Variants in SLC1A7 observed in about 807,000 individuals in gnomAD.
SLC1A7 encodes excitatory amino acid transporter 5.
A neutral mutation model predicts 47.7 loss-of-function variants in SLC1A7; 40 were observed. The ratio of observed to expected loss-of-function variants is 0.84; its 90% confidence interval spans 0.65 to 1.09. The LOEUF is 1.09. SLC1A7 is among the 50% of genes least tolerant of loss of function. The pLI is 0.00. For missense variants in SLC1A7, 746 were observed against 769.5 expected (o/e 0.97, Z 0.36); for synonymous variants, 323 against 325.6 (o/e 0.99, Z 0.09).
At chr1:53,116,855 C>A (rs558907820) in intron 2 of SLC1A7, among the ~76,000 whole-genome samples, 1 of 152,320 alleles carries the variant, frequency 6.6e-6, no homozygotes, top group East Asian at 1.9e-4. Context: ...TTCGCACATG[C>A]CCACTCCGTG....
Position 53,088,057 on chromosome 1 carries a change from A to G in SLC1A7, c.1635T>C (p.Ser545=). 6.3e-7 allele frequency: 1 copy of G among 1,599,288 alleles called. No homozygotes were observed. Among genetic ancestry groups the G allele is most frequent in the East Asian group, 2.2e-5 (1 of 44,460 alleles). Residue 545 remains serine (S), a synonymous_variant, in exon 11 of 11, where the codon AGT becomes AGC. Coordinates refer to ENST00000371494, the MANE Select transcript of SLC1A7 (RefSeq NM_006671.6). Reference sequence around the variant, plus strand: ...TGATCTGGATGGTGCAGTGGTTCAGACTCGCAGCGGGCAGCTCCTCATCCT... The same window carrying G: ...TGATCTGGATGGTGCAGTGGTTCAGGCTCGCAGCGGGCAGCTCCTCATCCT... ...VEQDEELPAA[S]LNHCTIQISE... is the part of the protein sequence containing the mutation.
chr1:53,142,582 C>G lies in SLC1A7; in HGVS notation c.-133G>C. 1 of 1,005,006 alleles carries G rather than the reference C, an allele frequency of 1.0e-6. No homozygotes were observed. Among genetic ancestry groups the G allele is most frequent in the Non-Finnish European group, 1.4e-6 (1 of 708,452 alleles). 62.3% of individuals were successfully genotyped at this position (1,005,006 alleles called of 1,614,324 possible). A position where few individuals can be genotyped will look rare whatever the true frequency, so the allele number is the denominator to read the frequency against. ...GTCGGAGTTGCTAAACACCAGTCGC[C>G]AGCCCCACGGCCATGCCCGTGTGGC... On this transcript the variant is annotated 5_prime_UTR_variant, in exon 1 of 11. Transcript: ENST00000371494.
chr1:53,125,001 A>G (rs1358294483), intron 2 of SLC1A7, among the ~76,000 whole-genome samples: 1 of 152,242 alleles, frequency 6.6e-6, no homozygotes, highest in Non-Finnish European at 1.5e-5. Context: ...GTTGAAAGCA[A>G]AAAGGATTGG....
intron 9 of SLC1A7, among the ~76,000 whole-genome samples, chr1:53,089,272 G>GTTTA (rs1280597536): frequency 6.6e-6 from 1 of 151,960 alleles, no homozygotes; most frequent in Admixed American, 6.6e-5. Context: ...TTGTTTGTTT[G>GTTTA]TTTGTTTTTT....
At position 53,093,553 on chromosome 1, in the gene SLC1A7, C is replaced by T. The variant is rs367641441; in HGVS notation, c.705G>A (p.Met235Ile). 5.0e-6 allele frequency: 8 copies of T among 1,602,658 alleles called. No homozygotes were observed. In the African/African-American group the frequency reaches 9.3e-5, roughly 19 times the overall value. ...CCCCGCTGTCACCCATGCGGCCCAG[C>T]ATGATGCCTGCGGGTCAGGGACACA... is the stretch of plus-strand genomic sequence containing the variant. Reference protein sequence around the residue: ...IVFFSATMGIMLGRMGDSGAP... With the variant: ...IVFFSATMGIILGRMGDSGAP... The change falls in exon 6 of 11, where the codon ATG becomes ATA. Residue 235 changes from methionine (M) to isoleucine (I), a missense_variant. By Grantham distance (10) the Met-to-Ile change is conservative. Coordinates refer to ENST00000371494, the MANE Select transcript of SLC1A7 (RefSeq NM_006671.6).
intron 5 of SLC1A7, among the ~76,000 whole-genome samples, chr1:53,094,702 T>C (rs575947123): frequency 6.6e-6 from 1 of 152,284 alleles, no homozygotes; most frequent in East Asian, 1.9e-4. Context: ...GCCTGGCTGA[T>C]GCAGACCCAG....
At chr1:53,106,557 G>A (rs147001337) in intron 3 of SLC1A7, among the ~76,000 whole-genome samples, 8 of 148,748 alleles carry the variant, frequency 5.4e-5, no homozygotes, top group Admixed American at 1.3e-4. Flanking sequence ...CCGAGATCGC[G>A]CCACTGCACC....
intron 3 of SLC1A7, among the ~76,000 whole-genome samples, chr1:53,107,517 A>G (rs1644657031): frequency 6.6e-6 from 1 of 152,234 alleles, no homozygotes; most frequent in Admixed American, 6.5e-5. Context: ...ATCTCTCTGT[A>G]CTGTCTACAA....
chr1:53,100,278 C>T (rs1301946286), intron 5 of SLC1A7, among the ~76,000 whole-genome samples: 1 of 151,538 alleles, frequency 6.6e-6, no homozygotes, highest in African/African-American at 2.4e-5. Context: ...TACACTTGCA[C>T]ACCCAACCTT....
chr1:53,114,405 T>G (rs1171404069), intron 3 of SLC1A7, among the ~76,000 whole-genome samples: 2 of 152,162 alleles, frequency 1.3e-5, no homozygotes, highest in Non-Finnish European at 2.9e-5. Flanking sequence ...CGGCACCTTT[T>G]TGAGCCCCAT....
chr1:53,099,936 T>C (rs1050682721), intron 5 of SLC1A7, among the ~76,000 whole-genome samples: 2 of 144,900 alleles, frequency 1.4e-5, no homozygotes, highest in African/African-American at 5.2e-5. Flanking sequence ...CCTCTGTACA[T>C]TCACACACCA....
At position 53,090,901 on chromosome 1, in the gene SLC1A7, G is replaced by T. The variant is rs760244876; in HGVS notation, c.1032-95C>A. 6.9e-5 allele frequency: 107 copies of T among 1,548,832 alleles called. No individual in the cohort carries two copies. In the African/African-American group the frequency reaches 1.4e-3, roughly 20 times the overall value. On this transcript the variant is annotated intron_variant, in intron 7 of 10. Transcript: ENST00000371494. ...TCACCCCTCCCCAGGCAGCCACCCC[G>T]CCAGGAGTGTTTGTGCCTCTGCAGC...
chr1:53,108,405 G>T, intron 3 of SLC1A7: 1 of 595,578 alleles, frequency 1.7e-6, no homozygotes, highest in Non-Finnish European at 3.0e-6. Context: ...CCTTGGCAGG[G>T]ACAGCTAGTT....
intron 5 of SLC1A7, among the ~76,000 whole-genome samples, chr1:53,098,884 C>T (rs1333120522): frequency 2.0e-5 from 3 of 150,708 alleles, no homozygotes; most frequent in Non-Finnish European, 4.4e-5. Flanking sequence ...CACACTGCCT[C>T]GGTACACCCA....
At chr1:53,088,368 C>T (rs773406321) in intron 10 of SLC1A7, 141 bp from the exon 11 acceptor site, 22 of 641,162 alleles carry the variant, frequency 3.4e-5, no homozygotes, top group Admixed American at 6.2e-5. Flanking sequence ...TGTGTGACCT[C>T]GGCAGGTCAC....
At chr1:53,091,015 G>C in intron 7 of SLC1A7, 1 of 1,426,192 alleles carries the variant, frequency 7.0e-7, no homozygotes, top group Non-Finnish European at 9.3e-7. Flanking sequence ...GCATTTTACA[G>C]ATGAGGAAGC....
At position 53,098,838 on chromosome 1, in the gene SLC1A7, G is replaced by A. The variant is rs115511131; in HGVS notation, c.697+4508C>T. Among the ~76,000 whole-genome samples the A allele has an allele frequency of 3.0e-4, 43 of 145,550 alleles. 1 individual carries two copies. Among genetic ancestry groups the A allele is most frequent in the African/African-American group, 6.7e-4 (26 of 38,904 alleles). The stretch of plus-strand genomic sequence containing the variant: ...CACCCTGCCTTGGTACACTCACACC[G>A]CCTTGGTACACTTACACACTCTGCC... On this transcript the variant is annotated intron_variant, in intron 5 of 10. Transcript: ENST00000371494.
intron 3 of SLC1A7, among the ~76,000 whole-genome samples, chr1:53,106,434 C>T (rs958558756): frequency 2.0e-5 from 3 of 151,670 alleles, no homozygotes; most frequent in Admixed American, 6.6e-5. Flanking sequence ...GAAACCCCGT[C>T]TCTACTAAAA....
In SLC1A7 at chr1:53,104,653, A is replaced by G. The variant is rs1434943503; in HGVS notation, c.474+1079T>C. The stretch of plus-strand genomic sequence containing the variant: ...TCCCCTTCACAATCTGGCTTATTTC[A>G]TGGATGTCAGGAGAGACGCGGCGAT... On this transcript the variant is annotated intron_variant, in intron 4 of 10. Transcript: ENST00000371494. Among the ~76,000 whole-genome samples the G allele has an allele frequency of 2.6e-5, 4 of 152,288 alleles. No homozygotes were observed. The South Asian group carries it at 8.3e-4, about 32-fold the overall frequency.
Sources: gnomAD v4.1 joint callset for allele counts (sites outside exome capture counted in the v4.1 genomes callset) on GRCh38, gnomAD v4.1.1 for gene constraint, MANE v1.5 for transcripts, NCBI Gene and HGNC (gene_info 2026-07-23, HGNC 2026-07-21) for gene names.